Variants in GUCY2F observed in about 807,000 individuals in gnomAD.
GUCY2F encodes the protein retinal guanylyl cyclase 2.
A neutral mutation model predicts 73.1 loss-of-function variants in GUCY2F; 61 were observed. The observed-to-expected ratio is 0.83, with a 90% CI of 0.68 to 1.03. GUCY2F has a LOEUF of 1.03. GUCY2F is among the 50% of genes least tolerant of loss of function. The pLI, the probability that GUCY2F is intolerant of heterozygous loss-of-function variation, is 0.00. For missense variants in GUCY2F, 912 were observed against 854.3 expected (o/e 1.07, Z -0.84); for synonymous variants, 331 against 307.8 (o/e 1.08, Z -0.79).
intron 9 of GUCY2F, 141 bp from the exon 10 acceptor site, chrX:109,404,625 C>T (rs1930932906): frequency 2.2e-6 from 1 of 445,232 alleles, no homozygotes; most frequent in Non-Finnish European, 3.9e-6. Flanking sequence ...GCAAAGTAAA[C>T]CTTTGACAAC....
chrX:109,448,036 G>T, intron 6 of GUCY2F, 33 bp downstream of exon 6: 1 of 684,931 alleles, frequency 1.5e-6, no homozygotes, highest in Non-Finnish European at 2.4e-6. Flanking sequence ...TACCATGTTG[G>T]ACAGGGCAGC....
intron 3 of GUCY2F, among the ~76,000 whole-genome samples, chrX:109,464,139 T>G (rs181783923): frequency 3.5e-4 from 39 of 112,178 alleles, no homozygotes; most frequent in African/African-American, 1.2e-3. Context: ...TGACCTCCAG[T>G]GTACAGAAAC....
intron 5 of GUCY2F, among the ~76,000 whole-genome samples, chrX:109,449,189 G>A (rs1932086468): frequency 8.9e-6 from 1 of 112,113 alleles, no homozygotes; most frequent in Non-Finnish European, 1.9e-5. Flanking sequence ...AAAATGCTTC[G>A]TCAAGTTGCT....
chrX:109,463,401 C>T (rs1435042450), intron 3 of GUCY2F, among the ~76,000 whole-genome samples: 1 of 105,690 alleles, frequency 9.5e-6, no homozygotes, highest in Non-Finnish European at 1.9e-5. Flanking sequence ...AAGAAGTCTA[C>T]TTGGGGAGAT....
At chrX:109,481,104 AAGGGAGGG>A (rs200735029) in intron 1 of GUCY2F, among the ~76,000 whole-genome samples, 4 of 52,997 alleles carry the variant, frequency 7.5e-5, no homozygotes, top group African/African-American at 3.2e-4. Context: ...GGAAGGAAGG[AAGGGAGGG>A]AGGGAGGGAA....
chrX:109,450,465 T>A (rs1932114945), intron 5 of GUCY2F, among the ~76,000 whole-genome samples: 1 of 111,709 alleles, frequency 9.0e-6, no homozygotes, highest in Admixed American at 9.5e-5. Flanking sequence ...TGCCATGGGA[T>A]GTTTTGGCAT....
intron 19 of GUCY2F, among the ~76,000 whole-genome samples, chrX:109,375,660 G>A (rs772840773): frequency 5.3e-5 from 6 of 112,206 alleles, no homozygotes; most frequent in African/African-American, 1.9e-4. Context: ...ATGTTGTCAG[G>A]GCAAGAGGTA....
chrX:109,470,213 A>G (rs989527903), intron 2 of GUCY2F, among the ~76,000 whole-genome samples: 7 of 112,154 alleles, frequency 6.2e-5, no homozygotes, highest in Admixed American at 1.9e-4. Flanking sequence ...TGCTATGTAC[A>G]TAAGGCCTCT....
intron 17 of GUCY2F, among the ~76,000 whole-genome samples, chrX:109,378,644 T>C (rs1007488647): frequency 4.5e-5 from 5 of 111,357 alleles, no homozygotes; most frequent in Non-Finnish European, 7.5e-5. Context: ...CACACACTGC[T>C]TGTGTGTGTA....
At chrX:109,426,234 A>G (rs1429825894) in intron 8 of GUCY2F, among the ~76,000 whole-genome samples, 1 of 112,048 alleles carries the variant, frequency 8.9e-6, no homozygotes, top group Non-Finnish European at 1.9e-5. Flanking sequence ...TCTGAATTGG[A>G]CAATAAAGTA....
chrX:109,476,719 G>A (rs1932701364), intron 1 of GUCY2F, among the ~76,000 whole-genome samples: 1 of 89,000 alleles, frequency 1.1e-5, no homozygotes, highest in African/African-American at 4.3e-5. Context: ...AAGACCCAGA[G>A]GTAAAGATAG....
chrX:109,450,089 G>A (rs1186985781), intron 5 of GUCY2F, among the ~76,000 whole-genome samples: 2 of 110,976 alleles, frequency 1.8e-5, no homozygotes, highest in East Asian at 5.7e-4. Context: ...TGCTTTGTTA[G>A]CTGAAGAACC....
chrX:109,392,163 C>A (rs1930580998), intron 13 of GUCY2F, 60 bp from the exon 14 acceptor site: 3 of 845,949 alleles, frequency 3.5e-6, no homozygotes, highest in Non-Finnish European at 5.0e-6. Flanking sequence ...GCCACATACA[C>A]CTGCTAAAAA....
At position 109,452,043 on chromosome X, in the gene GUCY2F, A is replaced by T. The variant is rs775038518; in HGVS notation, c.1452T>A (p.Asn484Lys). ...TGTACCTTATAAAGTAAGCAAATCCATTAATAGACAGCAGGGCTATAAGCA... is the reference window on the plus strand; with the variant it reads ...TGTACCTTATAAAGTAAGCAAATCCTTTAATAGACAGCAGGGCTATAAGCA... Reference protein sequence around the residue: ...LTLLIALLSINGFAYFIRRRI... With the variant: ...LTLLIALLSIKGFAYFIRRRI... Residue 484 changes from asparagine to lysine, a missense_variant, in exon 5 of 20, where the codon AAT becomes AAA. By Grantham distance (94) the Asn-to-Lys change is moderately conservative. Coordinates refer to ENST00000218006, the MANE Select transcript of GUCY2F (RefSeq NM_001522.3). 3 of 1,083,671 alleles carry T rather than the reference A, an allele frequency of 2.8e-6. No individual in the cohort carries two copies. Among genetic ancestry groups the T allele is most frequent in the Non-Finnish European group, 3.9e-6 (3 of 778,635 alleles). 89.3% of individuals were successfully genotyped at this position (1,083,671 alleles called of 1,213,427 possible). A position where few individuals can be genotyped will look rare whatever the true frequency, so the allele number is the denominator to read the frequency against.
At chrX:109,399,695 A>AT (rs2147256960) in intron 10 of GUCY2F, among the ~76,000 whole-genome samples, 1 of 111,676 alleles carries the variant, frequency 9.0e-6, no homozygotes, top group Admixed American at 9.5e-5. Context: ...TAAAAAAAAA[A>AT]CTGAGCTGAT....
chrX:109,475,213 TTCTG>T lies in GUCY2F; in HGVS notation c.720_723del (p.Asp240GlufsTer4), dbSNP rs1932660152. 4.2e-6 allele frequency: 5 copies of T among 1,197,022 alleles called. No homozygotes were observed. The highest frequency in any genetic ancestry group is 4.5e-6 in the Non-Finnish European group (4 of 887,604). On this transcript the variant is annotated frameshift_variant, in exon 2 of 20. Coordinates refer to ENST00000218006, the MANE Select transcript of GUCY2F (RefSeq NM_001522.3). LOFTEE classifies it high-confidence loss of function. ...AGCGGGAGAAAGCACTCACTGCGAA[TTCTG>T]TCTGCCTGGTGAATCCTCTGGAGGG...
At position 109,448,095 on chromosome X, in the gene GUCY2F, A is replaced by G; in HGVS notation, c.1543T>C (p.Phe515Leu). 1 of 1,103,265 alleles carries G rather than the reference A, an allele frequency of 9.1e-7. No individual in the cohort carries two copies. Among genetic ancestry groups the G allele is most frequent in the South Asian group, 1.8e-5 (1 of 54,371 alleles). The allele number at this position is 1,103,265 out of a possible 1,213,427, so 90.9% of individuals were successfully genotyped here. A position where few individuals can be genotyped will look rare whatever the true frequency, so the allele number is the denominator to read the frequency against. ...TTACTGCCAAAGTGGGGATTGATAA[A>G]CGTTACATCCTCCAAAGTCAGTAGA... ...RILLTLEDVTFINPHFGSKRG... is the reference protein window; with the variant it reads ...RILLTLEDVTLINPHFGSKRG... The change falls in exon 6 of 20, where the codon TTT becomes CTT. Residue 515 changes from phenylalanine (F) to leucine (L), a missense_variant. Transcript: ENST00000218006.
rs577634596 is a variant in GUCY2F at position 109,430,911 on chromosome X, C to T, written c.1702-515G>A. 3.6e-5 allele frequency among the ~76,000 whole-genome samples: 4 copies of T among 111,063 alleles called. No individual in the cohort carries two copies. In the East Asian group the frequency reaches 1.1e-3, roughly 31 times the overall value. ...TTCGTGTGTGTGTATGGAGGGGGGG[C>T]TGTCTTATGCTTTAGTCACAATCCA... On this transcript the variant is annotated intron_variant, in intron 7 of 19. Coordinates refer to ENST00000218006, the MANE Select transcript of GUCY2F (RefSeq NM_001522.3).
chrX:109,381,570 TAACTC>T (rs893058820), intron 17 of GUCY2F, among the ~76,000 whole-genome samples: 2 of 112,172 alleles, frequency 1.8e-5, no homozygotes, highest in African/African-American at 3.2e-5. Context: ...GGTCTAGTGA[TAACTC>T]TAACAGGGAA....
Sources: allele counts gnomAD v4.1 joint callset (sites outside exome capture counted in the v4.1 genomes callset), GRCh38; gene constraint gnomAD v4.1.1; transcripts MANE v1.5; gene names NCBI Gene and HGNC (gene_info 2026-07-23, HGNC 2026-07-21).